Variants in TNRC6C observed in about 807,000 individuals in gnomAD.
TNRC6C encodes the protein trinucleotide repeat containing adaptor 6C, also known as trinucleotide repeat-containing gene 6C protein.
In TNRC6C, 20 loss-of-function variants were observed where a neutral mutation model predicts 153.7. That is an observed-to-expected ratio of 0.13 (90% CI 0.09 to 0.19). The LOEUF is 0.19. Among genes scored for constraint, TNRC6C ranks in the 10% least tolerant of loss-of-function variants. The probability of loss-of-function intolerance (pLI) is 1.00; values close to 1 mark genes in which losing one functional copy is unlikely to be tolerated. For missense variants in TNRC6C, 1,987 were observed against 2,172.0 expected (o/e 0.91, Z 1.69); for synonymous variants, 811 against 841.4 (o/e 0.96, Z 0.63).
chr17:78,065,969 G>A (rs1261535382), intron 4 of TNRC6C, among the ~76,000 whole-genome samples: 1 of 152,098 alleles, frequency 6.6e-6, no homozygotes, highest in Non-Finnish European at 1.5e-5. Flanking sequence ...GGTAGCTCAC[G>A]CCTGTAATCT....
chr17:78,048,926 G>T (rs1468637257), exon 3 of TNRC6C: 21 of 1,273,710 alleles, frequency 1.6e-5, no homozygotes, highest in Non-Finnish European at 2.1e-5. Context: ...GAAGCCAACT[G>T]CAGCTGGGAT....
chr17:78,043,265 A>G (rs1053036714), intron 2 of TNRC6C, among the ~76,000 whole-genome samples: 1 of 152,188 alleles, frequency 6.6e-6, no homozygotes, highest in African/African-American at 2.4e-5. Context: ...GTGACAGAAG[A>G]TGTACCAGGC....
chr17:78,089,988 G>A (rs781126271), intron 13 of TNRC6C, among the ~76,000 whole-genome samples: 2 of 152,190 alleles, frequency 1.3e-5, no homozygotes, highest in Non-Finnish European at 2.9e-5. Context: ...CTGAAGGCCA[G>A]GTTGAAGCCC....
intron 16 of TNRC6C, among the ~76,000 whole-genome samples, chr17:78,094,352 G>C (rs908573763): frequency 1.3e-5 from 2 of 151,996 alleles, no homozygotes; most frequent in East Asian, 1.9e-4. Context: ...CACTAATAAG[G>C]CCACCTAGAT....
rs183526250 is a variant in TNRC6C at position 78,087,281 on chromosome 17, T to A, written c.3802+188T>A. On this transcript the variant is annotated intron_variant, in intron 13 of 19. Coordinates refer to ENST00000301624, the Ensembl canonical transcript of TNRC6C. ...TCAAGGCTTTTTAATTTTAAAAAAA[T>A]TTTTTAATTATTTTTTTGAGAGATG... Among the ~76,000 whole-genome samples the A allele has an allele frequency of 3.1e-3, 468 of 152,180 alleles. 1 individual carries two copies. Among genetic ancestry groups the A allele is most frequent in the Non-Finnish European group, 4.8e-3 (329 of 68,002 alleles).
chr17:78,031,905 T>C, intron 2 of TNRC6C, 63 bp downstream of exon 4: 1 of 1,220,966 alleles, frequency 8.2e-7, no homozygotes, highest in East Asian at 3.2e-5. Context: ...TCAACTTTGC[T>C]GCTGAGCAAT....
chr17:78,000,860 T>A (rs9907113), upstream of TNRC6C, among the ~76,000 whole-genome samples: 6,681 of 152,236 alleles, frequency 0.044, 220 homozygotes, highest in African/African-American at 0.075. Context: ...GACTGGTAAT[T>A]TGTAACATTT....
chr17:77,987,306 A>T (rs1171484301), intron 1 of TNRC6C, among the ~76,000 whole-genome samples: 1 of 152,248 alleles, frequency 6.6e-6, no homozygotes, highest in East Asian at 1.9e-4. Context: ...ATACTTTATC[A>T]GATTAGCAAG....
intron 16 of TNRC6C, among the ~76,000 whole-genome samples, chr17:78,095,652 G>A (rs1185261565): frequency 6.6e-6 from 1 of 152,152 alleles, no homozygotes; most frequent in African/African-American, 2.4e-5. Context: ...GCTCCACTCT[G>A]GTACCTCTCT....
chr17:78,008,366 C>A (rs562869055), intron 1 of TNRC6C: 1 of 152,168 alleles, frequency 6.6e-6, no homozygotes, highest in Admixed American at 6.5e-5. Context: ...GGGTCATTTT[C>A]TTTTTAAGAT....
intron 13 of TNRC6C, among the ~76,000 whole-genome samples, chr17:78,089,034 C>G (rs1299900665): frequency 1.5e-5 from 2 of 136,158 alleles, no homozygotes; most frequent in African/African-American, 5.5e-5. Context: ...ATGGCGCAGT[C>G]TCGGCTCACT....
chr17:77,957,614 C>T (rs1025520049), upstream of TNRC6C, among the ~76,000 whole-genome samples: 4 of 152,218 alleles, frequency 2.6e-5, no homozygotes, highest in African/African-American at 9.6e-5. Context: ...TCTTCCAATA[C>T]CAACTTCCAA....
intron 7 of TNRC6C, among the ~76,000 whole-genome samples, chr17:78,073,767 C>T (rs923477304): frequency 6.6e-6 from 1 of 152,142 alleles, no homozygotes; most frequent in African/African-American, 2.4e-5. Context: ...TGTTTCAAGA[C>T]ACCTTATTTA....
chr17:77,976,950 A>C (rs931908344), intron 1 of TNRC6C, among the ~76,000 whole-genome samples: 24 of 150,036 alleles, frequency 1.6e-4, no homozygotes, highest in African/African-American at 4.9e-4. Context: ...AAAAAAAAAA[A>C]AAAAAAAAAA....
chr17:78,042,209 A>C (rs1237945335), intron 2 of TNRC6C, among the ~76,000 whole-genome samples: 1 of 152,228 alleles, frequency 6.6e-6, no homozygotes, highest in Non-Finnish European at 1.5e-5. Context: ...CAGCAGAAGA[A>C]AAGAGAATTT....
chr17:78,010,350 T>C (rs2071604383), intron 1 of TNRC6C, among the ~76,000 whole-genome samples: 1 of 152,234 alleles, frequency 6.6e-6, no homozygotes, highest in Admixed American at 6.5e-5. Flanking sequence ...TAGTCTTCAG[T>C]TGAGTGATGG....
intron 1 of TNRC6C, among the ~76,000 whole-genome samples, chr17:77,980,580 C>G (rs2071061478): frequency 6.6e-6 from 1 of 152,152 alleles, no homozygotes; most frequent in South Asian, 2.1e-4. Flanking sequence ...TGGGTACCCT[C>G]CAATTCCATT....
At chr17:78,084,228 G>A (rs1472202517) in intron 11 of TNRC6C, among the ~76,000 whole-genome samples, 2 of 149,806 alleles carry the variant, frequency 1.3e-5, no homozygotes, top group African/African-American at 4.9e-5. Context: ...AGGTTGCAGT[G>A]AGCCTCGCAC....
At chr17:78,071,643 C>T (rs755761485) in intron 6 of TNRC6C, among the ~76,000 whole-genome samples, 1 of 152,340 alleles carries the variant, frequency 6.6e-6, no homozygotes, top group Non-Finnish European at 1.5e-5. Context: ...CCGCCTCGGC[C>T]TCCCAAAGTG....
Sources: gnomAD v4.1 joint callset for allele counts (sites outside exome capture counted in the v4.1 genomes callset) on GRCh38, gnomAD v4.1.1 for gene constraint, MANE v1.5 for transcripts, NCBI Gene and HGNC (gene_info 2026-07-23, HGNC 2026-07-21) for gene names.